FRYL: variants seen among roughly 807,000 people sequenced by gnomAD.
FRYL encodes the protein FRY like transcription coactivator.
In FRYL, 150 loss-of-function variants were observed where a neutral mutation model predicts 351.2. The observed-to-expected ratio is 0.43, with a 90% confidence interval of 0.37 to 0.49. The LOEUF (loss-of-function observed/expected upper bound fraction) is 0.49. Among genes scored for constraint, FRYL ranks in the 20% least tolerant of loss-of-function variants. FRYL has a pLI of 0.00. For missense variants in FRYL, 3,036 were observed against 3,619.3 expected (o/e 0.84, Z 4.13); for synonymous variants, 1,153 against 1,257.1 (o/e 0.92, Z 1.75).
chr4:48,739,269 C>T (rs1332316390), intron 1 of FRYL, among the ~76,000 whole-genome samples: 6 of 151,984 alleles, frequency 3.9e-5, no homozygotes, highest in Admixed American at 2.6e-4. Flanking sequence ...GGCATGGTGG[C>T]ATGTGCCTGT....
At position 48,527,663 on chromosome 4, in the gene FRYL, G is replaced by A. The variant is rs367963330; in HGVS notation, c.7141-10C>T. On this transcript the variant is annotated splice_polypyrimidine_tract_variant and intron_variant, in intron 52 of 63. Transcript: ENST00000358350. Reference sequence around the variant, plus strand: ...TAGAAGAAAATACAACCTGATGCCCGATTAAAAAAAAAAAAAAAGTCCATC... The same window carrying A: ...TAGAAGAAAATACAACCTGATGCCCAATTAAAAAAAAAAAAAAAGTCCATC... 1.1e-5 allele frequency: 16 copies of A among 1,426,300 alleles called. No homozygotes were observed. Among genetic ancestry groups the A allele is most frequent in the Middle Eastern group, 1.9e-4 (1 of 5,278 alleles). The allele number at this position is 1,426,300 out of a possible 1,614,324, so 88.4% of individuals were successfully genotyped here.
At chr4:48,718,916 C>A (rs772766571) in intron 1 of FRYL, among the ~76,000 whole-genome samples, 2 of 151,458 alleles carry the variant, frequency 1.3e-5, no homozygotes, top group African/African-American at 2.4e-5. Flanking sequence ...TTTCCACTTA[C>A]ATTTGTGCTT....
intron 3 of FRYL, among the ~76,000 whole-genome samples, chr4:48,655,766 A>C (rs1417499152): frequency 6.8e-6 from 1 of 145,990 alleles, no homozygotes; most frequent in Non-Finnish European, 1.5e-5. Context: ...ATAATACATT[A>C]TGTAATACAT....
chr4:48,595,654 C>T lies in FRYL; in HGVS notation c.1184G>A (p.Arg395Gln), dbSNP rs781407347. The T allele has an allele frequency of 3.7e-6, 6 of 1,613,392 alleles. No individual in the cohort carries two copies. Among genetic ancestry groups the T allele is most frequent in the Admixed American group, 1.7e-5 (1 of 59,920 alleles). The change falls in exon 15 of 64, where the codon CGA becomes CAA. Residue 395 changes from arginine (R) to glutamine (Q), a missense_variant. Arg to Gln is a conservative substitution (Grantham distance 43). Coordinates refer to ENST00000358350, the MANE Select transcript of FRYL (RefSeq NM_015030.2). ...AGGTGTGTCACGAGGAACCACACTT[C>T]GTGAGCCTTTTGGAAAAAGTGCTGA... ...IVSALFPKGS[R>Q]SVVPRDTPLN...
intron 3 of FRYL, among the ~76,000 whole-genome samples, chr4:48,678,229 G>A (rs1352218776): frequency 1.3e-5 from 2 of 152,050 alleles, no homozygotes; most frequent in African/African-American, 2.4e-5. Flanking sequence ...GATTGGCATA[G>A]CATTTCAAAC....
intron 1 of FRYL, among the ~76,000 whole-genome samples, chr4:48,779,114 G>A (rs1218526893): frequency 3.3e-5 from 5 of 152,116 alleles, no homozygotes; most frequent in Non-Finnish European, 5.9e-5. Context: ...AACTAGGATG[G>A]CAGGAAAGAC....
intron 1 of FRYL, among the ~76,000 whole-genome samples, chr4:48,726,452 T>C (rs1179952634): frequency 4.6e-5 from 7 of 151,764 alleles, no homozygotes; most frequent in African/African-American, 1.2e-4. Flanking sequence ...GAGGCCGAGG[T>C]GGGTGGATCA....
intron 1 of FRYL, among the ~76,000 whole-genome samples, chr4:48,713,409 T>A: frequency 6.6e-6 from 1 of 151,610 alleles, no homozygotes; most frequent in Non-Finnish European, 1.5e-5. Context: ...AGGCTCAAAA[T>A]AAAGGGATGG....
intron 55 of FRYL, among the ~76,000 whole-genome samples, chr4:48,517,588 T>C (rs1723900149): frequency 6.6e-6 from 1 of 152,192 alleles, no homozygotes; most frequent in African/African-American, 2.4e-5. Context: ...GAATAATTTG[T>C]CATCCATGAG....
At chr4:48,664,814 T>C (rs12505353) in intron 3 of FRYL, among the ~76,000 whole-genome samples, 2 of 152,174 alleles carry the variant, frequency 1.3e-5, no homozygotes, top group Admixed American at 1.3e-4. Flanking sequence ...AATTCAAATA[T>C]AGCAGTATCA....
chr4:48,769,875 A>C (rs1775335536), intron 1 of FRYL, among the ~76,000 whole-genome samples: 1 of 152,184 alleles, frequency 6.6e-6, no homozygotes, highest in African/African-American at 2.4e-5. Context: ...AAAATGATAG[A>C]GTGAAAAGAG....
chr4:48,661,340 T>G (rs1191036294), intron 3 of FRYL, among the ~76,000 whole-genome samples: 1 of 152,194 alleles, frequency 6.6e-6, no homozygotes, highest in East Asian at 1.9e-4. Context: ...CAAAGGAGAA[T>G]GATGACCCCT....
At chr4:48,563,574 G>A (rs938042652) in intron 31 of FRYL, among the ~76,000 whole-genome samples, 4 of 152,028 alleles carry the variant, frequency 2.6e-5, no homozygotes, top group African/African-American at 9.7e-5. Flanking sequence ...GCCAGGCATG[G>A]TAGTGGGAGC....
chr4:48,527,688 C>A (rs759563088), intron 52 of FRYL, 35 bp from the exon 53 acceptor site: 1 of 1,574,616 alleles, frequency 6.4e-7, no homozygotes, highest in East Asian at 2.2e-5. Context: ...AAAAGTCCAT[C>A]CATCAGATTT....
At chr4:48,632,104 A>ATATATATATATATG (rs1753264605) in intron 4 of FRYL, among the ~76,000 whole-genome samples, 2 of 49,924 alleles carry the variant, frequency 4.0e-5, no homozygotes, top group African/African-American at 5.6e-5. Context: ...ATATATATAT[A>ATATATATATATATG]TATATATATA....
At chr4:48,773,956 C>G (rs1775764977) in intron 1 of FRYL, among the ~76,000 whole-genome samples, 1 of 152,174 alleles carries the variant, frequency 6.6e-6, no homozygotes, top group Non-Finnish European at 1.5e-5. Context: ...CCTTTCTAAA[C>G]TTGGAGCTAC....
intron 15 of FRYL, 35 bp from the exon 16 acceptor site, chr4:48,594,051 A>G (rs1430899291): frequency 9.2e-7 from 1 of 1,089,846 alleles, no homozygotes; most frequent in African/African-American, 1.6e-5. Context: ...ACTTGCTACT[A>G]TGTGTTAGGT....
chr4:48,523,428 A>G lies in FRYL; in HGVS notation c.7318-324T>C, dbSNP rs1725320040. 1.9e-5 allele frequency: 4 copies of G among 211,116 alleles called. No homozygotes were observed. In the South Asian group the frequency reaches 2.7e-4, roughly 14 times the overall value. The allele number at this position is 211,116 out of a possible 1,614,324, so 13.1% of individuals were successfully genotyped here. On this transcript the variant is annotated intron_variant, in intron 53 of 63. Coordinates refer to ENST00000358350, the MANE Select transcript of FRYL (RefSeq NM_015030.2). Reference sequence around the variant, plus strand: ...ACAAACATGAATGAGACCACAAAGAAGACAAATACATCACAGATGACAACA... The same window carrying G: ...ACAAACATGAATGAGACCACAAAGAGGACAAATACATCACAGATGACAACA...
intron 17 of FRYL, among the ~76,000 whole-genome samples, chr4:48,590,308 A>T (rs940838819): frequency 6.6e-6 from 1 of 152,012 alleles, no homozygotes; most frequent in African/African-American, 2.4e-5. Flanking sequence ...AGGTGGCAAA[A>T]CCCCATCTCT....
Sources: allele counts gnomAD v4.1 joint callset (sites outside exome capture counted in the v4.1 genomes callset), GRCh38; gene constraint gnomAD v4.1.1; transcripts MANE v1.5; gene names NCBI Gene and HGNC (gene_info 2026-07-23, HGNC 2026-07-21).